The following PDE1C variants were observed in gnomAD, a reference collection of about 807,000 sequenced individuals.
PDE1C encodes phosphodiesterase 1C.
Under a neutral mutation model 93.1 loss-of-function variants are expected in PDE1C, and 62 were observed. The ratio of observed to expected loss-of-function variants is 0.67; its 90% CI spans 0.54 to 0.82. PDE1C has a LOEUF of 0.82. Ranked by LOEUF, PDE1C falls within the 40% of genes least tolerant of loss-of-function variation. The pLI, the probability that PDE1C is intolerant of heterozygous loss-of-function variation, is 0.00. For synonymous variants in PDE1C, 325 were observed against 310.1 expected, an observed-to-expected ratio of 1.05 and a Z score of -0.50; for missense variants, 742 against 884.6, an observed-to-expected ratio of 0.84 and a Z score of 2.04.
rs530391262 is a variant in PDE1C, at chr7:32,196,187, G to A, written c.136+13302C>T. 2.6e-5 allele frequency among the ~76,000 whole-genome samples: 4 copies of A among 152,330 alleles called. No individual in the cohort carries two copies. In the South Asian group the frequency reaches 8.3e-4, roughly 32 times the overall value. ...GATGCCATGCCAGCAAGGGTGTTGA[G>A]ATACCTTGTTACAGCCTTGTGAGGG... On this transcript the variant is annotated intron_variant, in intron 2 of 18. Transcript: ENST00000396193.
chr7:32,055,711 G>A (rs1345861858), intron 1 of PDE1C, among the ~76,000 whole-genome samples: 2 of 152,126 alleles, frequency 1.3e-5, no homozygotes, highest in Non-Finnish European at 1.5e-5. Context: ...AAGACAAAGG[G>A]AATTTTTTTT....
chr7:32,387,799 G>A (rs1784667951), intron 1 of PDE1C, among the ~76,000 whole-genome samples: 1 of 147,028 alleles, frequency 6.8e-6, no homozygotes, highest in African/African-American at 2.6e-5. Flanking sequence ...GGCTGGCCGG[G>A]CGGGGGGCTG....
chr7:31,908,684 T>C (rs940217528), intron 2 of PDE1C, among the ~76,000 whole-genome samples: 3 of 152,174 alleles, frequency 2.0e-5, no homozygotes, highest in Admixed American at 2.0e-4. Flanking sequence ...AAATACTTTA[T>C]GTGACTTTCA....
intron 6 of PDE1C, among the ~76,000 whole-genome samples, chr7:31,866,415 G>A (rs1035258653): frequency 1.3e-5 from 2 of 152,144 alleles, no homozygotes; most frequent in African/African-American, 4.8e-5. Flanking sequence ...AGATCTAAGA[G>A]TCGCTGAAAG....
chr7:32,398,484 G>C (rs563655095), intron 1 of PDE1C, among the ~76,000 whole-genome samples: 3 of 151,012 alleles, frequency 2.0e-5, no homozygotes, highest in Non-Finnish European at 2.9e-5. Flanking sequence ...CACTACCTGG[G>C]TTCAAGTGAT....
At chr7:31,635,905 C>T in the PDE1C span, among the ~76,000 whole-genome samples, 50 of 152,186 alleles carry the variant, frequency 3.3e-4, 1 homozygote, top group Admixed American at 1.4e-3. Flanking sequence ...TAAACCTGCA[C>T]ATCCTGCACA....
intron 1 of PDE1C, among the ~76,000 whole-genome samples, chr7:32,335,113 T>A (rs1783594183): frequency 6.6e-6 from 1 of 152,138 alleles, no homozygotes; most frequent in Non-Finnish European, 1.5e-5. Flanking sequence ...TGTTTGCAAG[T>A]GATTATATGG....
chr7:32,418,880 T>G (rs1269180821), intron 1 of PDE1C, among the ~76,000 whole-genome samples: 1 of 152,192 alleles, frequency 6.6e-6, no homozygotes, highest in Admixed American at 6.5e-5. Context: ...TCCTGGAGCA[T>G]TTAAGCTGCA....
chr7:31,828,462 A>G, intron 11 of PDE1C, 89 bp from the exon 12 acceptor site: 2 of 799,386 alleles, frequency 2.5e-6, no homozygotes, highest in Non-Finnish European at 4.1e-6. Context: ...CACGGAGGCC[A>G]CTGGTCTTTA....
chr7:32,066,234 T>C (rs945224745), intron 1 of PDE1C, among the ~76,000 whole-genome samples: 1 of 152,178 alleles, frequency 6.6e-6, no homozygotes, highest in Non-Finnish European at 1.5e-5. Context: ...GCCAGTCCTG[T>C]AGTATGCTGG....
intron 3 of PDE1C, among the ~76,000 whole-genome samples, chr7:32,141,949 C>A (rs938040502): frequency 6.6e-6 from 1 of 151,320 alleles, no homozygotes; most frequent in Non-Finnish European, 1.5e-5. Context: ...TAACACCCAC[C>A]CCCCAAAAAA....
intron 1 of PDE1C, among the ~76,000 whole-genome samples, chr7:32,332,618 A>G (rs1783538741): frequency 6.6e-6 from 1 of 152,186 alleles, no homozygotes; most frequent in African/African-American, 2.4e-5. Context: ...ATAAGTCAAA[A>G]TCTGGGGAAA....
intron 6 of PDE1C, among the ~76,000 whole-genome samples, chr7:31,869,570 A>G (rs1229384574): frequency 6.6e-6 from 1 of 152,132 alleles, no homozygotes; most frequent in East Asian, 1.9e-4. Context: ...GCCAGAGGAT[A>G]TAACATTTCT....
At chr7:32,297,629 G>A (rs1019192722) in intron 1 of PDE1C, among the ~76,000 whole-genome samples, 11 of 152,122 alleles carry the variant, frequency 7.2e-5, no homozygotes. Context: ...CCTCCAGAGG[G>A]TCAACCCTGT....
intron 9 of PDE1C, among the ~76,000 whole-genome samples, chr7:31,840,524 C>T (rs545498306): frequency 7.0e-4 from 106 of 152,100 alleles, no homozygotes; most frequent in East Asian, 4.1e-3. Flanking sequence ...ATCTGAGAAA[C>T]CGCCACCTAC....
chr7:31,837,925 A>T lies in PDE1C; in HGVS notation c.1027T>A (p.Ser343Thr). 1 of 1,613,834 alleles carries T rather than the reference A, an allele frequency of 6.2e-7. No individual in the cohort carries two copies. Among genetic ancestry groups the T allele is most frequent in the Non-Finnish European group, 8.5e-7 (1 of 1,179,722 alleles). Residue 343 changes from serine (S) to threonine (T), a missense_variant, in exon 10 of 18, where the codon TCT becomes ACT. By Grantham distance (58) the Ser-to-Thr change is moderately conservative. Around this residue, in one of 4 missense-constraint regions of PDE1C, gnomAD observed 454 missense variants for 459.4 expected, o/e 0.99. Transcript: ENST00000396191. Reference protein sequence around the residue: ...VIEMVMATDMSCHFQQIKAMK... With the variant: ...VIEMVMATDMTCHFQQIKAMK... Reference sequence around the variant, plus strand: ...GCTTTGATTTGTTGGAAGTGACAAGACATATCTGTGGCCATCACCATTTCA... The same window carrying T: ...GCTTTGATTTGTTGGAAGTGACAAGTCATATCTGTGGCCATCACCATTTCA...
At chr7:31,620,171 T>A in the PDE1C span, among the ~76,000 whole-genome samples, 1 of 152,152 alleles carries the variant, frequency 6.6e-6, no homozygotes, top group Non-Finnish European at 1.5e-5. Flanking sequence ...GCTCCACCTC[T>A]GGGGGCAGGG....
chr7:32,141,986 C>CT lies in PDE1C; in HGVS notation c.308+27798dup, dbSNP rs35048273. 2.0e-5 allele frequency among the ~76,000 whole-genome samples: 3 copies of CT among 152,092 alleles called. No homozygotes were observed. The South Asian group carries it at 6.2e-4, about 32-fold the overall frequency. ...AATAGAAGGAAATGAAATAGCTGGC[C>CT]TTTTTTTAGTTTGTCCATGACCACA... On this transcript the variant is annotated intron_variant, in intron 3 of 18. Transcript: ENST00000396193.
intron 1 of PDE1C, among the ~76,000 whole-genome samples, chr7:32,378,638 GTT>G (rs202177489): frequency 0.011 from 1,658 of 152,220 alleles, 27 homozygotes; most frequent in African/African-American, 0.038. Flanking sequence ...TCTTTTCAGT[GTT>G]TTTTGCATGT....
Sources: gnomAD v4.1 joint callset for allele counts (sites outside exome capture counted in the v4.1 genomes callset) on GRCh38, gnomAD v4.1.1 for gene constraint, gnomAD v4.1.1 regional missense constraint, MANE v1.5 for transcripts, NCBI Gene and HGNC (gene_info 2026-07-23, HGNC 2026-07-21) for gene names.